ZFPM2: variants seen among roughly 807,000 people sequenced by gnomAD.
ZFPM2 encodes zinc finger protein, FOG family member 2, also known as zinc finger protein ZFPM2.
ZFPM2 carries 20 observed loss-of-function variants against 98.6 expected under a neutral mutation model. That is an observed-to-expected ratio of 0.20 (90% CI 0.14 to 0.29). The LOEUF is 0.29. Ranked by LOEUF, ZFPM2 falls within the 10% of genes least tolerant of loss-of-function variation. The pLI is 1.00. For synonymous variants in ZFPM2, 518 were observed against 502.7 expected (o/e 1.03, Z -0.41); for missense variants, 1,310 against 1,388.6 (o/e 0.94, Z 0.90).
At chr8:105,408,131 A>G (rs938505532) in intron 1 of ZFPM2, among the ~76,000 whole-genome samples, 2 of 151,840 alleles carry the variant, frequency 1.3e-5, no homozygotes, top group African/African-American at 4.8e-5. Context: ...ACAGGTTGCG[A>G]TTGCTTGAGC....
At chr8:105,375,317 A>G (rs988568460) in intron 1 of ZFPM2, among the ~76,000 whole-genome samples, 1 of 152,154 alleles carries the variant, frequency 6.6e-6, no homozygotes, top group Non-Finnish European at 1.5e-5. Flanking sequence ...AACTACTTCT[A>G]TAAGGTAGGA....
At chr8:105,550,012 T>C (rs1814814300) in intron 3 of ZFPM2, among the ~76,000 whole-genome samples, 1 of 152,136 alleles carries the variant, frequency 6.6e-6, no homozygotes, top group Admixed American at 6.5e-5. Flanking sequence ...AAATACAACA[T>C]TGAAAGTCTG....
At chr8:105,374,271 C>T (rs1405961300) in intron 1 of ZFPM2, among the ~76,000 whole-genome samples, 1 of 152,064 alleles carries the variant, frequency 6.6e-6, no homozygotes, top group Non-Finnish European at 1.5e-5. Context: ...ATGACGTGAT[C>T]TAGATATGTA....
intron 4 of ZFPM2, among the ~76,000 whole-genome samples, chr8:105,576,787 T>C (rs1013604231): frequency 3.3e-5 from 5 of 152,166 alleles, no homozygotes; most frequent in Non-Finnish European, 5.9e-5. Flanking sequence ...CTTTTTAGAA[T>C]GGACCCAAGC....
intron 5 of ZFPM2, among the ~76,000 whole-genome samples, chr8:105,670,540 T>G (rs1029230911): frequency 6.9e-6 from 1 of 143,966 alleles, no homozygotes; most frequent in African/African-American, 2.6e-5. Flanking sequence ...TACAACAACA[T>G]TCTGTGTATG....
chr8:105,409,481 C>T (rs1811533183), intron 1 of ZFPM2, among the ~76,000 whole-genome samples: 3 of 151,792 alleles, frequency 2.0e-5, no homozygotes, highest in African/African-American at 7.3e-5. Context: ...GAACAATTAA[C>T]CAGCACTAAA....
intron 1 of ZFPM2, among the ~76,000 whole-genome samples, chr8:105,345,614 T>A (rs1812509233): frequency 6.6e-6 from 1 of 152,008 alleles, no homozygotes; most frequent in South Asian, 2.1e-4. Flanking sequence ...TTCATAAATG[T>A]TATGGAAAAG....
intron 1 of ZFPM2, among the ~76,000 whole-genome samples, chr8:105,398,611 C>T (rs1811271498): frequency 6.6e-6 from 1 of 152,082 alleles, no homozygotes; most frequent in African/African-American, 2.4e-5. Flanking sequence ...AAGGAGCATG[C>T]AACCTAGATC....
intron 3 of ZFPM2, among the ~76,000 whole-genome samples, chr8:105,467,750 CAT>C (rs758416005): frequency 1.8e-4 from 27 of 152,142 alleles, no homozygotes; most frequent in Non-Finnish European, 2.6e-4. Context: ...TACACACACA[CAT>C]GTATATATAT....
intron 5 of ZFPM2, among the ~76,000 whole-genome samples, chr8:105,635,027 C>G (rs1400686808): frequency 6.6e-6 from 1 of 152,196 alleles, no homozygotes; most frequent in African/African-American, 2.4e-5. Flanking sequence ...GTCCATAGCA[C>G]AGGACCTTCC....
At chr8:105,750,883 TG>T (rs1563548476) in intron 5 of ZFPM2, among the ~76,000 whole-genome samples, 2 of 152,068 alleles carry the variant, frequency 1.3e-5, no homozygotes, top group African/African-American at 4.8e-5. Context: ...AGGCTTACCC[TG>T]GAGCAAAGCT....
intron 5 of ZFPM2, among the ~76,000 whole-genome samples, chr8:105,738,128 C>A (rs1356555019): frequency 6.6e-6 from 1 of 151,708 alleles, no homozygotes; most frequent in East Asian, 1.9e-4. Context: ...CAGGTATTAG[C>A]CTCGTATTCA....
intron 3 of ZFPM2, among the ~76,000 whole-genome samples, chr8:105,558,424 T>G (rs1333628316): frequency 6.6e-6 from 1 of 152,158 alleles, no homozygotes; most frequent in Non-Finnish European, 1.5e-5. Context: ...AAGATTGACT[T>G]GATATTTTGA....
At chr8:105,362,178 A>G (rs576874588) in intron 1 of ZFPM2, among the ~76,000 whole-genome samples, 1 of 152,122 alleles carries the variant, frequency 6.6e-6, no homozygotes. Context: ...AGACTCAATT[A>G]TAACTTTCAA....
At chr8:105,563,631 G>C (rs1348112660) in intron 4 of ZFPM2, among the ~76,000 whole-genome samples, 1 of 152,144 alleles carries the variant, frequency 6.6e-6, no homozygotes, top group East Asian at 1.9e-4. Context: ...AATATTAACT[G>C]TGCCCATTTC....
chr8:105,607,949 C>T (rs748906961), intron 4 of ZFPM2, among the ~76,000 whole-genome samples: 2 of 151,958 alleles, frequency 1.3e-5, no homozygotes, highest in South Asian at 2.1e-4. Flanking sequence ...TGTAAATGCC[C>T]ATCAGTGACA....
At chr8:105,448,449 AT>A (rs142275026) in intron 3 of ZFPM2, among the ~76,000 whole-genome samples, 2,446 of 152,106 alleles carry the variant, frequency 0.016, 60 homozygotes, top group African/African-American at 0.056. Context: ...TTTATCTTGC[AT>A]TTATTGTAAT....
chr8:105,786,276 C>T (rs1022405501), intron 5 of ZFPM2, among the ~76,000 whole-genome samples: 1 of 152,064 alleles, frequency 6.6e-6, no homozygotes, highest in African/African-American at 2.4e-5. Flanking sequence ...TCTAACTTCT[C>T]CAAGAAGTGT....
chr8:105,320,743 C>T (rs1812010171), intron 1 of ZFPM2, among the ~76,000 whole-genome samples: 1 of 151,984 alleles, frequency 6.6e-6, no homozygotes, highest in African/African-American at 2.4e-5. Context: ...TTTTTTATTT[C>T]CTTCTATGTC....
Sources: allele counts gnomAD v4.1 joint callset (sites outside exome capture counted in the v4.1 genomes callset), GRCh38; gene constraint gnomAD v4.1.1; transcripts MANE v1.5; gene names NCBI Gene and HGNC (gene_info 2026-07-23, HGNC 2026-07-21).